The following CACNB2 variants were observed in gnomAD, a reference collection of about 807,000 sequenced individuals.
CACNB2 encodes voltage-dependent L-type calcium channel subunit beta-2.
CACNB2 carries 42 observed loss-of-function variants against 73.3 expected under a neutral mutation model. The ratio of observed to expected loss-of-function variants is 0.57; its 90% CI spans 0.45 to 0.74. The LOEUF is 0.74. Among genes scored for constraint, CACNB2 ranks in the 30% least tolerant of loss-of-function variants. CACNB2 has a pLI of 0.00. For synonymous variants in CACNB2, 348 were observed against 310.3 expected (o/e 1.12, Z -1.28); for missense variants, 940 against 853.0 (o/e 1.10, Z -1.27).
intron 2 of CACNB2, among the ~76,000 whole-genome samples, chr10:18,347,339 G>A (rs928804220): frequency 9.9e-5 from 13 of 131,134 alleles, no homozygotes; most frequent in African/African-American, 1.4e-4. Flanking sequence ...CGCCATGCCC[G>A]TCTAATTTTT....
chr10:18,300,432 G>GT (rs897443747), intron 2 of CACNB2, among the ~76,000 whole-genome samples: 4 of 152,288 alleles, frequency 2.6e-5, no homozygotes, highest in Admixed American at 2.6e-4. Context: ...AAGATAAAAA[G>GT]TAAGTCTTAT....
chr10:18,320,755 T>C lies in CACNB2; in HGVS notation c.214-81169T>C, dbSNP rs531805816. Among the ~76,000 whole-genome samples the C allele has an allele frequency of 1.2e-4, 19 of 152,338 alleles. 1 individual carries two copies. The highest frequency in any genetic ancestry group is 2.6e-4 in the Non-Finnish European group (18 of 68,020). On this transcript the variant is annotated intron_variant, in intron 2 of 13. Transcript: ENST00000324631. ...GAACATAGTTAGAACTGCGTAACTATTGGCTATTATTTACTTATTGATGGG... is the reference window on the plus strand; with the variant it reads ...GAACATAGTTAGAACTGCGTAACTACTGGCTATTATTTACTTATTGATGGG...
intron 3 of CACNB2, among the ~76,000 whole-genome samples, chr10:18,414,434 A>G (rs1443735422): frequency 6.6e-6 from 1 of 151,484 alleles, no homozygotes; most frequent in Non-Finnish European, 1.5e-5. Flanking sequence ...GGTAACAGTC[A>G]CATGTTTTAA....
chr10:18,273,419 C>T (rs2038142907), intron 2 of CACNB2, among the ~76,000 whole-genome samples: 1 of 151,672 alleles, frequency 6.6e-6, no homozygotes, highest in South Asian at 2.1e-4. Context: ...GGATCCTGGG[C>T]AGATAAAAAC....
At chr10:18,314,422 T>G (rs2040077207) in intron 2 of CACNB2, among the ~76,000 whole-genome samples, 2 of 152,176 alleles carry the variant, frequency 1.3e-5, no homozygotes, top group African/African-American at 4.8e-5. Context: ...TGAGACTGAG[T>G]TATCAATAGA....
At chr10:18,422,393 A>G (rs1011788790) in intron 3 of CACNB2, among the ~76,000 whole-genome samples, 1 of 152,254 alleles carries the variant, frequency 6.6e-6, no homozygotes, top group Non-Finnish European at 1.5e-5. Context: ...TGGATTAAAA[A>G]GAAACCATTT....
intron 3 of CACNB2, among the ~76,000 whole-genome samples, chr10:18,495,712 C>T (rs939784192): frequency 2.4e-4 from 37 of 151,344 alleles, no homozygotes; most frequent in Non-Finnish European, 2.8e-4. Context: ...CGGCACCTGG[C>T]CTTTTAAAAA....
intron 6 of CACNB2, among the ~76,000 whole-genome samples, chr10:18,510,055 G>A (rs1490536475): frequency 6.6e-6 from 1 of 152,074 alleles, no homozygotes; most frequent in Non-Finnish European, 1.5e-5. Context: ...TAACTGCCTT[G>A]GTAAGTTTCT....
At chr10:18,216,244 C>T (rs1285391066) in intron 2 of CACNB2, among the ~76,000 whole-genome samples, 2 of 152,066 alleles carry the variant, frequency 1.3e-5, no homozygotes, top group Non-Finnish European at 2.9e-5. Context: ...TTGCAGTGAG[C>T]CAAGATTACA....
chr10:18,144,013 A>G (rs866116867), intron 1 of CACNB2, among the ~76,000 whole-genome samples: 12 of 152,144 alleles, frequency 7.9e-5, no homozygotes, highest in African/African-American at 2.7e-4. Context: ...GCCCCAGTAC[A>G]TTGCCATAAA....
intron 3 of CACNB2, among the ~76,000 whole-genome samples, chr10:18,455,871 C>G (rs1304585131): frequency 1.3e-5 from 2 of 152,198 alleles, no homozygotes; most frequent in Non-Finnish European, 2.9e-5. Context: ...TTGAGCTTCA[C>G]TGGTTGGCAG....
intron 3 of CACNB2, among the ~76,000 whole-genome samples, chr10:18,469,464 T>A (rs548222342): frequency 5.4e-4 from 83 of 152,362 alleles, no homozygotes; most frequent in African/African-American, 2.0e-3. Flanking sequence ...AGCATGGCAG[T>A]TAGCTCAACT....
chr10:18,345,835 T>G (rs2041427256), intron 2 of CACNB2, among the ~76,000 whole-genome samples: 1 of 152,226 alleles, frequency 6.6e-6, no homozygotes. Flanking sequence ...AGCAAAAAGC[T>G]TTTGACTTTA....
chr10:18,460,626 C>G (rs544874767), intron 3 of CACNB2, among the ~76,000 whole-genome samples: 43 of 152,212 alleles, frequency 2.8e-4, no homozygotes, highest in African/African-American at 8.7e-4. Context: ...CATGCTGGCT[C>G]ACACCTGTAA....
chr10:18,326,936 CCTTGCTGGT>C (rs2040610484), intron 2 of CACNB2, among the ~76,000 whole-genome samples: 2 of 152,010 alleles, frequency 1.3e-5, no homozygotes, highest in Admixed American at 1.3e-4. Context: ...GCCATGTTGC[CCTTGCTGGT>C]CTTGAACTCC....
chr10:18,228,230 C>T (rs1021224243), intron 2 of CACNB2, among the ~76,000 whole-genome samples: 6 of 151,778 alleles, frequency 4.0e-5, no homozygotes, highest in Admixed American at 6.6e-5. Context: ...TCGAGACCAG[C>T]GTGGTCAACA....
chr10:18,407,367 C>T (rs907152030), intron 3 of CACNB2, among the ~76,000 whole-genome samples: 2 of 152,024 alleles, frequency 1.3e-5, no homozygotes, highest in African/African-American at 4.8e-5. Flanking sequence ...AGTGATCCAT[C>T]TGCCTCGGTC....
intron 3 of CACNB2, among the ~76,000 whole-genome samples, chr10:18,461,722 C>T (rs928932253): frequency 6.6e-6 from 1 of 151,644 alleles, no homozygotes; most frequent in African/African-American, 2.4e-5. Flanking sequence ...CTCACCGCCC[C>T]CAGCTGTGCA....
rs1201445387 is a variant in CACNB2, at chr10:18,174,399, TCTTTCTTTCC to T, written c.213+23425_213+23434del. Among the ~76,000 whole-genome samples, 24 of 121,088 alleles carry T rather than the reference TCTTTCTTTCC, an allele frequency of 2.0e-4. No individual in the cohort carries two copies. The East Asian group carries it at 4.0e-3, about 20-fold the overall frequency. 79.4% of individuals were successfully genotyped at this position (121,088 alleles called of 152,430 possible). ...TCTCTTTTTCTTTTCTTTCTTTCTCTCTTTCTTTCCTTCTTTCCTTCTTTCTTGAGTTTTG... is the reference window on the plus strand; with the variant it reads ...TCTCTTTTTCTTTTCTTTCTTTCTCTTTCTTTCCTTCTTTCTTGAGTTTTG... On this transcript the variant is annotated intron_variant, in intron 2 of 13. Transcript: ENST00000324631.
Sources: gnomAD v4.1 joint callset for allele counts (sites outside exome capture counted in the v4.1 genomes callset) on GRCh38, gnomAD v4.1.1 for gene constraint, MANE v1.5 for transcripts, NCBI Gene and HGNC (gene_info 2026-07-23, HGNC 2026-07-21) for gene names.